TARBP1: variants seen among roughly 807,000 people sequenced by gnomAD.
The protein encoded by TARBP1 is tRNA (guanosine(18)-2'-O)-methyltransferase TARBP1.
A neutral mutation model predicts 178.6 loss-of-function variants in TARBP1; 144 were observed. That is an observed-to-expected ratio of 0.81 (90% confidence interval 0.70 to 0.93). The LOEUF is 0.93. Among genes scored for constraint, TARBP1 ranks in the 40% least tolerant of loss-of-function variants. The probability of loss-of-function intolerance (pLI) is 0.00; values close to 1 mark genes in which losing one functional copy is unlikely to be tolerated. For synonymous variants in TARBP1, 787 were observed against 781.0 expected, an observed-to-expected ratio of 1.01 and a Z score of -0.13; for missense variants, 2,067 against 2,011.7, an observed-to-expected ratio of 1.03 and a Z score of -0.53.
At chr1:234,435,208 G>C (rs113882355) in intron 13 of TARBP1, among the ~76,000 whole-genome samples, 20 of 152,208 alleles carry the variant, frequency 1.3e-4, no homozygotes, top group Non-Finnish European at 2.8e-4. Context: ...CCAGCACTTT[G>C]GGAGGTCAAG....
intron 28 of TARBP1, 110 bp from the exon 29 acceptor site, chr1:234,392,662 GGA>G: frequency 1.0e-6 from 1 of 976,168 alleles, no homozygotes; most frequent in Middle Eastern, 3.0e-4. Context: ...AAAAGAAAAA[GGA>G]GAGAATTATA....
intron 1 of TARBP1, among the ~76,000 whole-genome samples, chr1:234,474,964 C>G (rs1263932149): frequency 6.6e-6 from 1 of 152,146 alleles, no homozygotes. Context: ...ATGGAAAGGC[C>G]ACTTATCTGT....
At position 234,478,204 on chromosome 1, in the gene TARBP1, G is replaced by C; in HGVS notation, c.900C>G (p.Ala300=). 6.2e-7 allele frequency: 1 copy of C among 1,611,812 alleles called. No homozygotes were observed. Among genetic ancestry groups the C allele is most frequent in the Non-Finnish European group, 8.5e-7 (1 of 1,179,572 alleles). Residue 300 remains alanine, a synonymous_variant, in exon 1 of 30, where the codon GCC becomes GCG. Coordinates refer to ENST00000040877, the MANE Select transcript of TARBP1 (RefSeq NM_005646.4). ...CTTCCTGGGGCCCGCAGGTGCAGTC[G>C]GCCCCCAGCTCCGCCGACACCTCCA... The part of the protein sequence containing the change: ...RAVEVSAELG[A]DCTCGPQEGN...
rs765665022 is a variant in TARBP1, at chr1:234,430,118, T to C, written c.2578A>G (p.Ser860Gly). 6.2e-7 allele frequency: 1 copy of C among 1,614,156 alleles called. No homozygotes were observed. The highest frequency in any genetic ancestry group is 1.1e-5 in the South Asian group (1 of 91,084). Residue 860 changes from serine to glycine, a missense_variant, in exon 15 of 30, where the codon AGC (serine) becomes GGC (glycine). Transcript: ENST00000040877. ...TLQKPHAEEQ[S>G]SYAHPLECSS... The stretch of plus-strand genomic sequence containing the variant: ...CACTCCAAGGGGTGAGCATAACTGC[T>C]CTGCTCCTCTGCGTGGGGCTTCTGC...
chr1:234,450,312 G>C, intron 10 of TARBP1, 116 bp downstream of exon 10: 1 of 704,654 alleles, frequency 1.4e-6, no homozygotes, highest in Non-Finnish European at 2.2e-6. Flanking sequence ...TACAAGTTTG[G>C]CATCAATAAA....
rs575807571 is a variant in TARBP1 at position 234,407,914 on chromosome 1, T to C, written c.3793-1815A>G. The C allele has an allele frequency of 3.3e-5, 5 of 152,328 alleles. No homozygotes were observed. The South Asian group carries it at 1.0e-3, about 32-fold the overall frequency. The allele number at this position is 152,328 out of a possible 1,614,324, so 9.4% of individuals were successfully genotyped here. A position where few individuals can be genotyped will look rare whatever the true frequency, so the allele number is the denominator to read the frequency against. On this transcript the variant is annotated intron_variant, in intron 23 of 29. Transcript: ENST00000040877. ...CTCCAGCGATCCCTGGTTCGTTTTATTGGAGAATGGTGTTAGCAACCAAGA... is the reference window on the plus strand; with the variant it reads ...CTCCAGCGATCCCTGGTTCGTTTTACTGGAGAATGGTGTTAGCAACCAAGA...
At position 234,398,491 on chromosome 1, in the gene TARBP1, A is replaced by G; in HGVS notation, c.4134T>C (p.Asp1378=). The G allele has an allele frequency of 6.2e-7, 1 of 1,610,854 alleles. No individual in the cohort carries two copies. The highest frequency in any genetic ancestry group is 8.5e-7 in the Non-Finnish European group (1 of 1,177,920). The part of the protein sequence containing the change: ...GLIEDEWITI[D]KFTRFTDVPL... ...GAACATCAGTGAATCTGGTAAATTT[A>G]TCAATGGTGATCCATTCATCTTCAA... Residue 1378 remains aspartate (D), a synonymous_variant, in exon 26 of 30, where the codon GAT becomes GAC. Coordinates refer to ENST00000040877, the MANE Select transcript of TARBP1 (RefSeq NM_005646.4).
intron 3 of TARBP1, among the ~76,000 whole-genome samples, chr1:234,468,374 C>A (rs547952953): frequency 1.3e-5 from 2 of 152,064 alleles, no homozygotes; most frequent in African/African-American, 4.8e-5. Flanking sequence ...ACACGAGAAT[C>A]GCTTGAACCC....
At chr1:234,452,662 T>C (rs926057778) in intron 9 of TARBP1, among the ~76,000 whole-genome samples, 3 of 152,278 alleles carry the variant, frequency 2.0e-5, no homozygotes, top group African/African-American at 7.2e-5. Context: ...GCAATTTCTC[T>C]AAAACTAAAC....
In TARBP1 at chr1:234,450,444, C is replaced by CT. The variant is rs1304048424; in HGVS notation, c.1844dup (p.Ser616ValfsTer14). On this transcript the variant is annotated frameshift_variant, in exon 10 of 30. Transcript: ENST00000040877. LOFTEE classifies it high-confidence loss of function. ...CAGACTTACTTTCCCAAGCAGATGACTTAACATACTCTTGAACAATGCTCT... is the reference window on the plus strand; with the variant it reads ...CAGACTTACTTTCCCAAGCAGATGACTTTAACATACTCTTGAACAATGCTCT... 2 of 1,593,562 alleles carry CT rather than the reference C, an allele frequency of 1.3e-6. No homozygotes were observed. Among genetic ancestry groups the CT allele is most frequent in the South Asian group, 2.3e-5 (2 of 86,144 alleles).
rs1669747306 is a variant in TARBP1 at position 234,478,187 on chromosome 1, G to A, written c.917C>T (p.Pro306Leu). ...GAGGCAGGTACCGTTTCCTTCCTGGGGCCCGCAGGTGCAGTCGGCCCCCAG... is the reference window on the plus strand; with the variant it reads ...GAGGCAGGTACCGTTTCCTTCCTGGAGCCCGCAGGTGCAGTCGGCCCCCAG... ...AELGADCTCGPQEGNGPSLFW... is the reference protein window; with the variant it reads ...AELGADCTCGLQEGNGPSLFW... The change falls in exon 1 of 30, where the codon CCC (proline) becomes CTC (leucine). Residue 306 changes from proline to leucine, a missense_variant. Physicochemically the swap from Pro to Leu is moderately conservative, Grantham distance 98. Transcript: ENST00000040877. 2.5e-6 allele frequency: 4 copies of A among 1,611,798 alleles called. No individual in the cohort carries two copies. Among genetic ancestry groups the A allele is most frequent in the South Asian group, 1.1e-5 (1 of 90,948 alleles).
intron 3 of TARBP1, among the ~76,000 whole-genome samples, chr1:234,467,930 A>G (rs905924680): frequency 1.3e-5 from 2 of 152,114 alleles, no homozygotes; most frequent in Admixed American, 6.5e-5. Context: ...AGGTATGCAA[A>G]CCACGCCTAG....
chr1:234,429,571 G>A lies in TARBP1; in HGVS notation c.2716C>T (p.Leu906Phe), dbSNP rs1034306854. Residue 906 changes from leucine (L) to phenylalanine (F), a missense_variant, in exon 16 of 30, where the codon CTT becomes TTT. Leu to Phe is a conservative substitution (Grantham distance 22). Transcript: ENST00000040877. ...ATTTCACTCCCTGTGGTTGGTATAAGGGTGTGATATTTTTTCAACAGGAAA... is the reference window on the plus strand; with the variant it reads ...ATTTCACTCCCTGTGGTTGGTATAAAGGTGTGATATTTTTTCAACAGGAAA... ...LSFLLKKYHT[L>F]IPTTGSEILE... The A allele has an allele frequency of 4.3e-6, 7 of 1,614,046 alleles. No individual in the cohort carries two copies. The South Asian group carries it at 7.7e-5, about 18-fold the overall frequency.
rs549448926 is a variant in TARBP1 at position 234,446,898 on chromosome 1, T to C, written c.2039A>G (p.Asn680Ser). The C allele has an allele frequency of 3.7e-6, 6 of 1,614,022 alleles. No individual in the cohort carries two copies. Among genetic ancestry groups the C allele is most frequent in the African/African-American group, 2.7e-5 (2 of 75,024 alleles). ...AGTCTTCAGCAAGGGCATGTAGGCA[T>C]TGGTACTAAACTTCATAAGCACATC... is the stretch of plus-strand genomic sequence containing the variant. ...LLDVLMKFST[N>S]AYMPLLKTDR... The change falls in exon 12 of 30, where the codon AAT becomes AGT. Residue 680 changes from asparagine (N) to serine (S), a missense_variant. Transcript: ENST00000040877.
intron 24 of TARBP1, among the ~76,000 whole-genome samples, chr1:234,403,608 T>G (rs891985035): frequency 6.6e-6 from 1 of 152,216 alleles, no homozygotes; most frequent in African/African-American, 2.4e-5. Flanking sequence ...CCTGGCCTTG[T>G]GCCTGTCACA....
chr1:234,457,657 T>C lies in TARBP1; in HGVS notation c.1722+10A>G, dbSNP rs6693478. On this transcript the variant is annotated intron_variant, in intron 9 of 29. Transcript: ENST00000040877. ...TTTCAAAGACTTTATTAAATTATCT[T>C]TAATCTCACCTCTGTCCACAATGAA... 0.17 allele frequency: 263,025 copies of C among 1,570,162 alleles called. 23,905 individuals are homozygous for C. Among genetic ancestry groups the C allele is most frequent in the Non-Finnish European group, 0.18 (212,705 of 1,155,434 alleles).
intron 22 of TARBP1, among the ~76,000 whole-genome samples, chr1:234,413,627 G>T (rs547191700): frequency 6.6e-6 from 1 of 152,164 alleles, no homozygotes. Flanking sequence ...CAAGCCTTAC[G>T]GGATACTCCG....
intron 12 of TARBP1, among the ~76,000 whole-genome samples, chr1:234,442,901 C>T (rs270530): frequency 0.21 from 31,252 of 152,038 alleles, 4,037 homozygotes; most frequent in African/African-American, 0.37. Context: ...CTCTATCTCA[C>T]CCTCAAGGCA....
Position 234,410,432 on chromosome 1 carries a change from C to A in TARBP1, c.3792+13G>T, listed in dbSNP as rs749114625. ...TTTTACAGTCAAGTTTAAATTCTTACAAACAAACTTACCTTTTCTGGAATA... is the reference window on the plus strand; with the variant it reads ...TTTTACAGTCAAGTTTAAATTCTTAAAAACAAACTTACCTTTTCTGGAATA... On this transcript the variant is annotated intron_variant, in intron 23 of 29. Coordinates refer to ENST00000040877, the MANE Select transcript of TARBP1 (RefSeq NM_005646.4). The A allele has an allele frequency of 5.0e-6, 7 of 1,411,954 alleles. No homozygotes were observed. Among genetic ancestry groups the A allele is most frequent in the Non-Finnish European group, 6.9e-6 (7 of 1,021,706 alleles). The allele number at this position is 1,411,954 out of a possible 1,614,324, so 87.5% of individuals were successfully genotyped here.
Sources: allele counts gnomAD v4.1 joint callset (sites outside exome capture counted in the v4.1 genomes callset), GRCh38; gene constraint gnomAD v4.1.1; transcripts MANE v1.5; gene names NCBI Gene and HGNC (gene_info 2026-07-23, HGNC 2026-07-21).